Variants in APC observed in about 807,000 individuals in gnomAD.
The protein encoded by APC is adenomatous polyposis coli protein.
In APC, 72 loss-of-function variants were observed where a neutral mutation model predicts 247.0. The ratio of observed to expected loss-of-function variants is 0.29; its 90% confidence interval spans 0.24 to 0.35. APC has a LOEUF of 0.35. APC is among the 10% of genes least tolerant of loss of function. The pLI is 1.00. For missense variants in APC, 3,400 were observed against 3,360.7 expected, an observed-to-expected ratio of 1.01 and a Z score of -0.29; for synonymous variants, 1,254 against 1,162.5, an observed-to-expected ratio of 1.08 and a Z score of -1.60.
chr5:112,757,097 T>G (rs1755066883), intron 2 of APC, among the ~76,000 whole-genome samples: 1 of 152,134 alleles, frequency 6.6e-6, no homozygotes, highest in Admixed American at 6.5e-5. Context: ...AAACCAACCA[T>G]AAATTTTATT....
In APC at chr5:112,842,068, C is replaced by G. The variant is rs772027192; in HGVS notation, c.6474C>G (p.Pro2158=). ...FHLTPDQEEK[P]FTSNKGPRIL... ...TTACACCTGATCAAGAAGAAAAACCCTTTACAAGTAATAAAGGCCCACGAA... is the reference window on the plus strand; with the variant it reads ...TTACACCTGATCAAGAAGAAAAACCGTTTACAAGTAATAAAGGCCCACGAA... The change falls in exon 16 of 16, where the codon CCC becomes CCG. Residue 2158 remains proline, a synonymous_variant. Coordinates refer to ENST00000257430, the MANE Select transcript of APC (RefSeq NM_000038.6). The G allele has an allele frequency of 3.7e-6, 6 of 1,612,310 alleles. No homozygotes were observed. The African/African-American group carries it at 5.3e-5, about 14-fold the overall frequency.
At chr5:112,776,564 G>T (rs1258704681) in intron 5 of APC, among the ~76,000 whole-genome samples, 1 of 152,152 alleles carries the variant, frequency 6.6e-6, no homozygotes, top group Non-Finnish European at 1.5e-5. Flanking sequence ...ACTCAACATG[G>T]TGGAGGCTTA....
rs1554088092 is a variant in APC, at chr5:112,842,758, C to T, written c.7164C>T (p.Ala2388=). 1.2e-6 allele frequency: 2 copies of T among 1,613,906 alleles called. No individual in the cohort carries two copies. Among genetic ancestry groups the T allele is most frequent in the Non-Finnish European group, 1.7e-6 (2 of 1,179,850 alleles). ...AACAAACAGGTTTATCCAAGAATGC[C>T]AGTAGTATTCCAAGAAGTGAGTCTG... ...LTKQTGLSKN[A]SSIPRSESAS... is the part of the protein sequence containing the mutation. The change falls in exon 16 of 16, where the codon GCC becomes GCT. Residue 2388 remains alanine, a synonymous_variant. Coordinates refer to ENST00000257430, the MANE Select transcript of APC (RefSeq NM_000038.6).
Position 112,844,269 on chromosome 5 carries a change from A to G in APC, c.*143A>G. Reference sequence around the variant, plus strand: ...TTAGAGGGTTTTTGTTCTGGAAGCCATATTTGATAGTATACTTTGTCTTCA... The same window carrying G: ...TTAGAGGGTTTTTGTTCTGGAAGCCGTATTTGATAGTATACTTTGTCTTCA... On this transcript the variant is annotated 3_prime_UTR_variant, in exon 16 of 16. Transcript: ENST00000257430. 8 of 783,182 alleles carry G rather than the reference A, an allele frequency of 1.0e-5. No individual in the cohort carries two copies. Among genetic ancestry groups the G allele is most frequent in the Non-Finnish European group, 1.6e-5 (8 of 499,394 alleles). The allele number at this position is 783,182 out of a possible 1,614,324, so 48.5% of individuals were successfully genotyped here. A position where few individuals can be genotyped will look rare whatever the true frequency, so the allele number is the denominator to read the frequency against.
At chr5:112,729,678 G>T (rs913349316) in intron 1 of APC, among the ~76,000 whole-genome samples, 3 of 152,088 alleles carry the variant, frequency 2.0e-5, no homozygotes, top group African/African-American at 7.2e-5. Context: ...CATTACATTG[G>T]GTCTACCCAG....
At chr5:112,713,761 G>C (rs1750997737) in intron 1 of APC, among the ~76,000 whole-genome samples, 2 of 152,100 alleles carry the variant, frequency 1.3e-5, no homozygotes, top group Admixed American at 6.5e-5. Context: ...TCTACCTCTT[G>C]GGTTCAGCGA....
At chr5:112,826,607 CT>C (rs1763688360) in intron 11 of APC, among the ~76,000 whole-genome samples, 2 of 130,000 alleles carry the variant, frequency 1.5e-5, no homozygotes, top group Non-Finnish European at 3.3e-5. Context: ...AAAAACAAAA[CT>C]TTTTAGTTTT....
intron 6 of APC, among the ~76,000 whole-genome samples, chr5:112,785,533 T>C (rs1372561883): frequency 1.3e-5 from 2 of 152,140 alleles, no homozygotes; most frequent in African/African-American, 4.8e-5. Context: ...AATGCAAGAA[T>C]TTCCAAAAAC....
chr5:112,840,603 C>T lies in APC; in HGVS notation c.5009C>T (p.Ala1670Val), dbSNP rs202228932. The T allele has an allele frequency of 2.7e-4, 430 of 1,613,946 alleles. No homozygotes were observed. The highest frequency in any genetic ancestry group is 3.4e-4 in the Non-Finnish European group (400 of 1,179,984). Residue 1670 changes from alanine to valine, a missense_variant, in exon 16 of 16, where the codon GCT (alanine) becomes GTT (valine). Ala to Val is a moderately conservative substitution (Grantham distance 64). Around this residue, in one of 9 missense-constraint regions of APC, gnomAD observed 1,788 missense variants for 1,649.5 expected, o/e 1.08. Coordinates refer to ENST00000257430, the MANE Select transcript of APC (RefSeq NM_000038.6). The surrounding 1 kb of genome is among the most constrained non-coding windows in gnomAD (Gnocchi z 4.1). ...LTIESPPNEL[A>V]AGEGVRGGAQ... ...ATCGAATCCCCTCCAAATGAGTTAGCTGCTGGAGAAGGAGTTAGAGGAGGG... is the reference window on the plus strand; with the variant it reads ...ATCGAATCCCCTCCAAATGAGTTAGTTGCTGGAGAAGGAGTTAGAGGAGGG...
chr5:112,801,005 C>T (rs967843882), intron 7 of APC, among the ~76,000 whole-genome samples: 1 of 152,010 alleles, frequency 6.6e-6, no homozygotes, highest in East Asian at 1.9e-4. Flanking sequence ...GTAATGTGAG[C>T]GCAGCTGGTA....
chr5:112,821,157 C>G (rs776172733), intron 10 of APC, among the ~76,000 whole-genome samples: 1 of 151,726 alleles, frequency 6.6e-6, no homozygotes, highest in Non-Finnish European at 1.5e-5. Context: ...GTGTGAGCCA[C>G]TGCACCTAGC....
intron 1 of APC, among the ~76,000 whole-genome samples, chr5:112,731,138 C>T (rs187712266): frequency 3.0e-4 from 46 of 151,682 alleles, no homozygotes; most frequent in African/African-American, 1.0e-3. Context: ...ATTAACCAAG[C>T]TGTTGTTAGT....
chr5:112,841,120 A>G lies in APC; in HGVS notation c.5526A>G (p.Ser1842=), dbSNP rs577725739. 1.2e-6 allele frequency: 2 copies of G among 1,612,914 alleles called. No homozygotes were observed. Among genetic ancestry groups the G allele is most frequent in the East Asian group, 4.5e-5 (2 of 44,864 alleles). The change falls in exon 16 of 16, where the codon TCA becomes TCG. Residue 1842 remains serine, a synonymous_variant. Coordinates refer to ENST00000257430, the MANE Select transcript of APC (RefSeq NM_000038.6). This position sits in a 1 kb window ranked among gnomAD's most constrained non-coding sequence, Gnocchi z 4.6. The part of the protein sequence containing the change: ...DRVRGSFAFD[S]PHHYTPIEGT... ...TCAGAGGAAGTTTTGCTTTTGATTC[A>G]CCTCATCATTACACGCCTATTGAAG...
chr5:112,809,469 A>T (rs1761758298), intron 8 of APC, among the ~76,000 whole-genome samples: 1 of 152,194 alleles, frequency 6.6e-6, no homozygotes, highest in Non-Finnish European at 1.5e-5. Flanking sequence ...CCCAATGAGT[A>T]TACAGTGAGA....
At chr5:112,828,115 AACC>A (rs764824625) in intron 13 of APC, 109 bp downstream of exon 13, 119 of 869,522 alleles carry the variant, frequency 1.4e-4, no homozygotes, top group Middle Eastern at 3.3e-4. Flanking sequence ...AGCTCACTGC[AACC>A]TCTGCCTCCA....
chr5:112,737,732 A>G (rs927954220), upstream of APC: 63 of 626,654 alleles, frequency 1.0e-4, no homozygotes, highest in Non-Finnish European at 2.2e-5. Flanking sequence ...CCCACTGCGG[A>G]GTGCGGGTCG....
intron 11 of APC, among the ~76,000 whole-genome samples, chr5:112,823,654 A>G (rs1017048107): frequency 6.6e-6 from 1 of 152,224 alleles, no homozygotes; most frequent in Non-Finnish European, 1.5e-5. Flanking sequence ...TGCACTTATT[A>G]GTATTAGAAG....
intron 7 of APC, among the ~76,000 whole-genome samples, chr5:112,799,477 G>A (rs1580448651): frequency 6.6e-6 from 1 of 152,024 alleles, no homozygotes; most frequent in East Asian, 1.9e-4. Context: ...CTCTGTCACT[G>A]CTTCCCTAGT....
At chr5:112,784,208 T>C (rs1358166445) in intron 6 of APC, among the ~76,000 whole-genome samples, 1 of 152,036 alleles carries the variant, frequency 6.6e-6, no homozygotes, top group Non-Finnish European at 1.5e-5. Flanking sequence ...GCTGGGACTA[T>C]AGTTGTGTGC....
Sources: allele counts gnomAD v4.1 joint callset (sites outside exome capture counted in the v4.1 genomes callset), GRCh38; gene constraint gnomAD v4.1.1; regional missense constraint gnomAD v4.1.1; non-coding constraint Gnocchi (gnomAD v3.1); transcripts MANE v1.5; gene names NCBI Gene and HGNC (gene_info 2026-07-23, HGNC 2026-07-21).